Variants in PRKN observed in about 807,000 individuals in gnomAD.
PRKN encodes parkin RBR E3 ubiquitin protein ligase.
PRKN carries 56 observed loss-of-function variants against 59.5 expected under a neutral mutation model. The ratio of observed to expected loss-of-function variants is 0.94; its 90% CI spans 0.76 to 1.18. The LOEUF (loss-of-function observed/expected upper bound fraction) is 1.18, where lower values mean the gene tolerates loss of function less well. PRKN is among the 50% of genes most tolerant of loss of function. The pLI, the probability that PRKN is intolerant of heterozygous loss-of-function variation, is 0.00. For missense variants in PRKN, 657 were observed against 596.4 expected (o/e 1.10, Z -1.06); for synonymous variants, 250 against 222.1 (o/e 1.13, Z -1.12).
Position 161,451,676 on chromosome 6 carries a change from G to A in PRKN, c.1084-64799C>T, listed in dbSNP as rs543616673. Among the ~76,000 whole-genome samples, 13 of 152,284 alleles carry A rather than the reference G, an allele frequency of 8.5e-5. No individual in the cohort carries two copies. Among genetic ancestry groups the A allele is most frequent in the Middle Eastern group, 3.4e-3 (1 of 294 alleles). On this transcript the variant is annotated intron_variant, in intron 9 of 11. Coordinates refer to ENST00000366898, the MANE Select transcript of PRKN (RefSeq NM_004562.3). The surrounding 1 kb of genome is among the most constrained non-coding windows in gnomAD (Gnocchi z 5.9). ...AGTCAACAGTGGTTTTGTACAATGCGGATAAATATTAGAAAGGCCATCCAG... is the reference window on the plus strand; with the variant it reads ...AGTCAACAGTGGTTTTGTACAATGCAGATAAATATTAGAAAGGCCATCCAG...
chr6:161,365,069 T>C (rs1295166107), intron 10 of PRKN, among the ~76,000 whole-genome samples: 1 of 152,222 alleles, frequency 6.6e-6, no homozygotes, highest in Non-Finnish European at 1.5e-5. Context: ...TATGTTTACA[T>C]TCTAGGGTAA....
At chr6:161,894,694 G>A (rs1281124990) in intron 6 of PRKN, among the ~76,000 whole-genome samples, 2 of 152,152 alleles carry the variant, frequency 1.3e-5, no homozygotes, top group African/African-American at 2.4e-5. Flanking sequence ...CTATGGGAAC[G>A]TTTTCACATG....
At position 161,659,675 on chromosome 6, in the gene PRKN, G is replaced by A. The variant is rs532636075; in HGVS notation, c.872-90259C>T. On this transcript the variant is annotated intron_variant, in intron 7 of 11. Transcript: ENST00000366898. ...ACAAAAGCAGGTGGGCAACGGCCCT[G>A]GAGGACATGGTCTCCAGGTCGGGTT... Among the ~76,000 whole-genome samples the A allele has an allele frequency of 9.2e-5, 14 of 152,228 alleles. No homozygotes were observed. The South Asian group carries it at 2.9e-3, about 32-fold the overall frequency.
Position 161,502,416 on chromosome 6 carries a change from C to A in PRKN, c.1083+46438G>T, listed in dbSNP as rs1777996361. On this transcript the variant is annotated intron_variant, in intron 9 of 11. Coordinates refer to ENST00000366898, the MANE Select transcript of PRKN (RefSeq NM_004562.3). This position sits in a 1 kb window ranked among gnomAD's most constrained non-coding sequence, Gnocchi z 4.0. ...GTAAACATGACTGATGGTAAAGGACCCCTTCTAACCAACCCTGGGAAATTA... is the reference window on the plus strand; with the variant it reads ...GTAAACATGACTGATGGTAAAGGACACCTTCTAACCAACCCTGGGAAATTA... Among the ~76,000 whole-genome samples, 1 of 152,052 alleles carries A rather than the reference C, an allele frequency of 6.6e-6. No individual in the cohort carries two copies. The highest frequency in any genetic ancestry group is 2.1e-4 in the South Asian group (1 of 4,822).
At chr6:161,661,614 T>C (rs915083659) in intron 7 of PRKN, among the ~76,000 whole-genome samples, 2 of 152,110 alleles carry the variant, frequency 1.3e-5, no homozygotes, top group East Asian at 3.9e-4. Flanking sequence ...TATTAATTTC[T>C]TGTCCATTTT....
chr6:162,041,370 T>C (rs1784063405), intron 5 of PRKN, among the ~76,000 whole-genome samples: 1 of 152,180 alleles, frequency 6.6e-6, no homozygotes, highest in Admixed American at 6.5e-5. Flanking sequence ...TGGCAATTCT[T>C]ACCACTTGGT....
At chr6:161,835,293 C>T (rs531381243) in intron 6 of PRKN, among the ~76,000 whole-genome samples, 2 of 152,100 alleles carry the variant, frequency 1.3e-5, no homozygotes, top group Admixed American at 6.6e-5. Flanking sequence ...CTGACTTGAG[C>T]GTATGGTGAG....
At chr6:162,721,229 G>A (rs915820199) in intron 1 of PRKN, among the ~76,000 whole-genome samples, 1 of 152,134 alleles carries the variant, frequency 6.6e-6, no homozygotes, top group African/African-American at 2.4e-5. Flanking sequence ...CGTAACTAGT[G>A]ATTTCAAGTA....
chr6:161,361,597 G>T lies in PRKN; in HGVS notation c.1168-1392C>A, dbSNP rs1273020392. On this transcript the variant is annotated intron_variant, in intron 10 of 11. Coordinates refer to ENST00000366898, the MANE Select transcript of PRKN (RefSeq NM_004562.3). The surrounding 1 kb of genome is among the most constrained non-coding windows in gnomAD (Gnocchi z 5.2). ...GTGAAATGGGCAGGGCACATGGGTG[G>T]TATCCCTGACAGTGGTGGGGGCACC... is the stretch of plus-strand genomic sequence containing the variant. 6.6e-6 allele frequency among the ~76,000 whole-genome samples: 1 copy of T among 152,210 alleles called. No individual in the cohort carries two copies. Among genetic ancestry groups the T allele is most frequent in the Non-Finnish European group, 1.5e-5 (1 of 68,026 alleles).
intron 8 of PRKN, among the ~76,000 whole-genome samples, chr6:161,559,757 G>A (rs544909430): frequency 2.9e-4 from 44 of 152,282 alleles, no homozygotes; most frequent in Admixed American, 2.1e-3. Flanking sequence ...GTAAGGCTAC[G>A]GGTGGGGCAG....
In PRKN at chr6:161,371,189, T is replaced by C. The variant is rs1309806972; in HGVS notation, c.1168-10984A>G. Among the ~76,000 whole-genome samples the C allele has an allele frequency of 2.0e-5, 3 of 151,998 alleles. No homozygotes were observed. Among genetic ancestry groups the C allele is most frequent in the Admixed American group, 6.6e-5 (1 of 15,250 alleles). On this transcript the variant is annotated intron_variant, in intron 10 of 11. Coordinates refer to ENST00000366898, the MANE Select transcript of PRKN (RefSeq NM_004562.3). This position sits in a 1 kb window ranked among gnomAD's most constrained non-coding sequence, Gnocchi z 5.5. ...TTTGTTATTTTTTTTTTTGAGACGT[T>C]GTTTCGCTCCTGTTGCCCAGGCTGG...
At chr6:162,383,195 G>A (rs1396435226) in intron 2 of PRKN, among the ~76,000 whole-genome samples, 1 of 152,084 alleles carries the variant, frequency 6.6e-6, no homozygotes, top group Non-Finnish European at 1.5e-5. Context: ...CATCTAGAAT[G>A]GTGAATTATT....
In PRKN at chr6:161,748,012, G is replaced by A. The variant is rs115754563; in HGVS notation, c.871+37760C>T. On this transcript the variant is annotated intron_variant, in intron 7 of 11. Transcript: ENST00000366898. ...GCTCTTGTCTTTCGGTGGCATTTGA[G>A]TCAGGTGTATTACACAGCTTTGAGA... Among the ~76,000 whole-genome samples the A allele has an allele frequency of 1.9e-3, 288 of 152,270 alleles. 2 individuals carry two copies. Among genetic ancestry groups the A allele is most frequent in the African/African-American group, 6.6e-3 (275 of 41,550 alleles).
At chr6:162,100,632 G>C (rs1779928419) in intron 4 of PRKN, among the ~76,000 whole-genome samples, 1 of 152,090 alleles carries the variant, frequency 6.6e-6, no homozygotes, top group Middle Eastern at 3.4e-3. Flanking sequence ...AGTACAGAGA[G>C]GGTTTTGCCA....
intron 6 of PRKN, among the ~76,000 whole-genome samples, chr6:161,869,195 A>G (rs1221453059): frequency 6.6e-6 from 1 of 152,144 alleles, no homozygotes; most frequent in Non-Finnish European, 1.5e-5. Context: ...CCTGGCCAAC[A>G]TGACGAAACC....
intron 5 of PRKN, among the ~76,000 whole-genome samples, chr6:161,996,833 A>G (rs1057064751): frequency 4.6e-5 from 7 of 151,886 alleles, no homozygotes; most frequent in Non-Finnish European, 1.0e-4. Flanking sequence ...TTCTAGGGGA[A>G]AAACGTTTTA....
In PRKN at chr6:161,786,077, T is replaced by C. The variant is rs971901307; in HGVS notation, c.735-169A>G. ...GTATACCAACACAACATCTTAAAAATTGGAGGCACTCAATGAACTACATAG... is the reference window on the plus strand; with the variant it reads ...GTATACCAACACAACATCTTAAAAACTGGAGGCACTCAATGAACTACATAG... On this transcript the variant is annotated intron_variant, in intron 6 of 11. Transcript: ENST00000366898. 3.9e-5 allele frequency among the ~76,000 whole-genome samples: 6 copies of C among 152,214 alleles called. No homozygotes were observed. In the East Asian group the frequency reaches 1.2e-3, roughly 29 times the overall value.
chr6:162,472,941 T>A (rs910766254), intron 1 of PRKN, among the ~76,000 whole-genome samples: 2 of 151,684 alleles, frequency 1.3e-5, no homozygotes, highest in Non-Finnish European at 2.9e-5. Flanking sequence ...AGTTGTGGTG[T>A]TTTGGAATTT....
At chr6:162,519,520 G>A (rs1778002996) in intron 1 of PRKN, among the ~76,000 whole-genome samples, 1 of 152,098 alleles carries the variant, frequency 6.6e-6, no homozygotes, top group African/African-American at 2.4e-5. Context: ...AAGTGATAAT[G>A]TATTATTAAT....
Sources: allele counts gnomAD v4.1 joint callset (sites outside exome capture counted in the v4.1 genomes callset), GRCh38; gene constraint gnomAD v4.1.1; non-coding constraint Gnocchi (gnomAD v3.1); transcripts MANE v1.5; gene names NCBI Gene and HGNC (gene_info 2026-07-23, HGNC 2026-07-21).